Variants in CNTN6 observed in about 807,000 individuals in gnomAD.
CNTN6 encodes the protein contactin 6.
A neutral mutation model predicts 122.8 loss-of-function variants in CNTN6; 137 were observed. The observed-to-expected ratio is 1.12, with a 90% CI of 0.97 to 1.29. The LOEUF (loss-of-function observed/expected upper bound fraction) is 1.29, where lower values mean the gene tolerates loss of function less well. Among genes scored for constraint, CNTN6 ranks in the 50% most tolerant of loss-of-function variants. The pLI, the probability that CNTN6 is intolerant of heterozygous loss-of-function variation, is 0.00. For missense variants in CNTN6, 1,634 were observed against 1,223.4 expected, an observed-to-expected ratio of 1.34 and a Z score of -5.01; for synonymous variants, 570 against 426.0, an observed-to-expected ratio of 1.34 and a Z score of -4.16.
intron 7 of CNTN6, among the ~76,000 whole-genome samples, chr3:1,319,210 G>A (rs1284176087): frequency 6.6e-6 from 1 of 151,528 alleles, no homozygotes; most frequent in Non-Finnish European, 1.5e-5. Context: ...CTTTTGCCAT[G>A]ACTTTTAATG....
chr3:1,305,518 A>G (rs551258153), intron 7 of CNTN6, among the ~76,000 whole-genome samples: 2 of 152,292 alleles, frequency 1.3e-5, no homozygotes, highest in South Asian at 4.1e-4. Context: ...AGCTCCTTGT[A>G]TAGGTGCTAT....
At chr3:1,358,000 C>A (rs61346290) in intron 12 of CNTN6, among the ~76,000 whole-genome samples, 1 of 151,724 alleles carries the variant, frequency 6.6e-6, no homozygotes, top group Non-Finnish European at 1.5e-5. Flanking sequence ...ACATCTAGAA[C>A]TTTTTTTATG....
chr3:1,113,310 A>C (rs2091567572), intron 1 of CNTN6, among the ~76,000 whole-genome samples: 1 of 152,168 alleles, frequency 6.6e-6, no homozygotes. Flanking sequence ...CATCTTACTA[A>C]AAAAGATGCT....
intron 5 of CNTN6, among the ~76,000 whole-genome samples, chr3:1,292,031 A>G (rs567548974): frequency 2.0e-5 from 3 of 151,348 alleles, no homozygotes; most frequent in Non-Finnish European, 4.4e-5. Context: ...CGTCAAAACA[A>G]TTTTTTTTTG....
rs778174891 is a variant in CNTN6, at chr3:1,327,592, T to C, written c.1213+6T>C. On this transcript the variant is annotated splice_donor_region_variant and intron_variant, in intron 10 of 22. Coordinates refer to ENST00000446702, the MANE Select transcript of CNTN6 (RefSeq NM_001289080.2). ...TGCTGAATTGAGAGTTTTAGGTAAG[T>C]CGTTTATTTACAACCAACAAATTCA... 7.5e-6 allele frequency: 12 copies of C among 1,608,556 alleles called. No individual in the cohort carries two copies. Among genetic ancestry groups the C allele is most frequent in the South Asian group, 1.1e-5 (1 of 90,816 alleles).
At chr3:1,335,122 T>C (rs1702858718) in intron 11 of CNTN6, among the ~76,000 whole-genome samples, 2 of 152,176 alleles carry the variant, frequency 1.3e-5, no homozygotes, top group African/African-American at 4.8e-5. Context: ...TGATAACTTC[T>C]AGCAAGTCCT....
chr3:1,385,904 T>C, intron 20 of CNTN6, 107 bp downstream of exon 20: 1 of 1,119,274 alleles, frequency 8.9e-7, no homozygotes, highest in South Asian at 1.7e-5. Context: ...ACTAATTGGT[T>C]ACTTTGGTTA....
intron 1 of CNTN6, among the ~76,000 whole-genome samples, chr3:1,096,471 A>C (rs940654524): frequency 4.6e-5 from 7 of 152,186 alleles, no homozygotes; most frequent in African/African-American, 1.4e-4. Flanking sequence ...CCAATTTTGT[A>C]CATGTTGTAT....
intron 8 of CNTN6, among the ~76,000 whole-genome samples, chr3:1,323,459 A>G (rs572257429): frequency 6.6e-6 from 1 of 151,868 alleles, no homozygotes; most frequent in African/African-American, 2.4e-5. Context: ...TAACATAATC[A>G]TTATGTTTCT....
chr3:1,341,759 G>A (rs1338275586), intron 11 of CNTN6, among the ~76,000 whole-genome samples: 2 of 152,064 alleles, frequency 1.3e-5, no homozygotes, highest in Non-Finnish European at 2.9e-5. Context: ...TTTCTGCTTT[G>A]GAGTTTAAGA....
At chr3:1,122,470 C>T (rs188297155) in intron 1 of CNTN6, among the ~76,000 whole-genome samples, 1 of 149,576 alleles carries the variant, frequency 6.7e-6, no homozygotes, top group African/African-American at 2.4e-5. Context: ...ATAAAAGTAA[C>T]CGTTGTAAAG....
chr3:1,300,607 G>A (rs867311921), intron 7 of CNTN6, among the ~76,000 whole-genome samples: 4 of 140,710 alleles, frequency 2.8e-5, no homozygotes, highest in African/African-American at 5.5e-5. Flanking sequence ...GAAAGAAAGA[G>A]AGAAAGAAAG....
intron 11 of CNTN6, among the ~76,000 whole-genome samples, chr3:1,349,898 A>C (rs1705362487): frequency 6.6e-6 from 1 of 151,790 alleles, no homozygotes; most frequent in African/African-American, 2.4e-5. Flanking sequence ...TTATGCCATA[A>C]AATCTTTAGT....
At position 1,211,909 on chromosome 3, in the gene CNTN6, A is replaced by G. The variant is rs17035608; in HGVS notation, c.56-8778A>G. On this transcript the variant is annotated intron_variant, in intron 2 of 22. Transcript: ENST00000446702. ...CAAGGAATGGCCTAAAGCAGATTGA[A>G]CATGCCTTTAAGGATCTCCACAGTT... Among the ~76,000 whole-genome samples, 1,247 of 152,262 alleles carry G rather than the reference A, an allele frequency of 8.2e-3. 27 individuals carry two copies. The highest frequency in any genetic ancestry group is 0.029 in the African/African-American group (1,198 of 41,544).
rs1235504318 is a variant in CNTN6, at chr3:1,264,193, G to T, written c.359-14220G>T. On this transcript the variant is annotated intron_variant, in intron 4 of 22. Transcript: ENST00000446702. ...ACTGATCATTAATCAAATATTTTTT[G>T]AGTACCTACTGTGGGCCAGCACTTA... Among the ~76,000 whole-genome samples, 2 of 151,970 alleles carry T rather than the reference G, an allele frequency of 1.3e-5. 1 individual carries two copies. The highest frequency in any genetic ancestry group is 3.9e-4 in the East Asian group (2 of 5,174).
chr3:1,134,743 C>T (rs2092429309), intron 1 of CNTN6, among the ~76,000 whole-genome samples: 2 of 151,756 alleles, frequency 1.3e-5, no homozygotes, highest in Admixed American at 6.6e-5. Flanking sequence ...TCAAATGAGA[C>T]AATTTATTTA....
intron 11 of CNTN6, among the ~76,000 whole-genome samples, chr3:1,335,381 A>G (rs528574729): frequency 6.6e-6 from 1 of 152,282 alleles, no homozygotes; most frequent in East Asian, 1.9e-4. Context: ...TTATCTCTGC[A>G]AGGCATTCTC....
At chr3:1,101,834 G>T (rs573977327) in intron 1 of CNTN6, among the ~76,000 whole-genome samples, 1 of 152,236 alleles carries the variant, frequency 6.6e-6, no homozygotes, top group South Asian at 2.1e-4. Flanking sequence ...CTTTGGGAGT[G>T]GCAGCTCTAT....
chr3:1,163,844 C>T (rs1039786797), intron 2 of CNTN6, among the ~76,000 whole-genome samples: 14 of 152,156 alleles, frequency 9.2e-5, no homozygotes, highest in African/African-American at 9.7e-5. Context: ...CAGCTGATGT[C>T]GTAAGAACAT....
Sources: allele counts gnomAD v4.1 joint callset (sites outside exome capture counted in the v4.1 genomes callset), GRCh38; gene constraint gnomAD v4.1.1; transcripts MANE v1.5; gene names NCBI Gene and HGNC (gene_info 2026-07-23, HGNC 2026-07-21).